Variants in CNTNAP2 observed in about 807,000 individuals in gnomAD.
The protein encoded by CNTNAP2 is contactin associated protein 2.
CNTNAP2 carries 98 observed loss-of-function variants against 155.2 expected under a neutral mutation model. The ratio of observed to expected loss-of-function variants is 0.63; its 90% CI spans 0.54 to 0.75. The LOEUF (loss-of-function observed/expected upper bound fraction) is 0.75. CNTNAP2 is among the 30% of genes least tolerant of loss of function. The pLI is 0.00. For missense variants in CNTNAP2, 1,727 were observed against 1,688.1 expected, an observed-to-expected ratio of 1.02 and a Z score of -0.40; for synonymous variants, 651 against 631.2, an observed-to-expected ratio of 1.03 and a Z score of -0.47.
chr7:146,296,334 C>T (rs1328848137), intron 1 of CNTNAP2, among the ~76,000 whole-genome samples: 2 of 152,220 alleles, frequency 1.3e-5, no homozygotes, highest in South Asian at 2.1e-4. Flanking sequence ...CCTGTGAAAA[C>T]CCTAGTCCCA....
intron 2 of CNTNAP2, among the ~76,000 whole-genome samples, chr7:146,790,052 T>C (rs1386796189): frequency 3.3e-5 from 5 of 152,042 alleles, no homozygotes; most frequent in African/African-American, 1.2e-4. Flanking sequence ...TTTCATTTTG[T>C]TGTTGTTTAG....
At chr7:148,277,862 C>T (rs752771388) in intron 21 of CNTNAP2, among the ~76,000 whole-genome samples, 3 of 151,092 alleles carry the variant, frequency 2.0e-5, no homozygotes, top group African/African-American at 7.3e-5. Flanking sequence ...CAAATAGCTC[C>T]AAAACTCAAT....
intron 3 of CNTNAP2, among the ~76,000 whole-genome samples, chr7:147,022,710 G>T (rs1359663186): frequency 1.3e-5 from 2 of 149,306 alleles, no homozygotes; most frequent in African/African-American, 4.9e-5. Flanking sequence ...CTTGTTTATT[G>T]TTCTATCTAT....
chr7:148,125,599 A>T (rs1804701328), intron 16 of CNTNAP2, among the ~76,000 whole-genome samples: 1 of 150,326 alleles, frequency 6.7e-6, no homozygotes, highest in African/African-American at 2.5e-5. Flanking sequence ...GTATTCCATG[A>T]TGTATATGTA....
intron 13 of CNTNAP2, among the ~76,000 whole-genome samples, chr7:147,726,557 A>G (rs577025664): frequency 5.2e-4 from 79 of 152,148 alleles, no homozygotes; most frequent in African/African-American, 1.8e-3. Flanking sequence ...GAGCTGACCA[A>G]TAACTGCAGA....
At chr7:148,245,992 C>CA (rs1157025422) in intron 20 of CNTNAP2, among the ~76,000 whole-genome samples, 1 of 152,222 alleles carries the variant, frequency 6.6e-6, no homozygotes, top group African/African-American at 2.4e-5. Context: ...TCAGTGTTTC[C>CA]AGGGAACAGA....
intron 1 of CNTNAP2, among the ~76,000 whole-genome samples, chr7:146,423,831 T>A (rs544317002): frequency 2.6e-5 from 4 of 152,252 alleles, no homozygotes; most frequent in South Asian, 2.1e-4. Context: ...TCAGGAAAAA[T>A]TATACAATAT....
At chr7:146,417,007 T>C (rs1795946985) in intron 1 of CNTNAP2, among the ~76,000 whole-genome samples, 1 of 152,158 alleles carries the variant, frequency 6.6e-6, no homozygotes, top group Admixed American at 6.6e-5. Context: ...TGAGGACAAC[T>C]TGGATTGTAT....
intron 3 of CNTNAP2, among the ~76,000 whole-genome samples, chr7:146,996,018 T>G (rs201847798): frequency 1.4e-4 from 21 of 152,278 alleles, no homozygotes; most frequent in South Asian, 2.1e-4. Flanking sequence ...TTTTGTTTTT[T>G]TTTAGCAGCT....
At chr7:148,257,455 T>C (rs1346932577) in intron 20 of CNTNAP2, among the ~76,000 whole-genome samples, 1 of 152,148 alleles carries the variant, frequency 6.6e-6, no homozygotes, top group East Asian at 1.9e-4. Context: ...GTCGGCAGGA[T>C]TTATGAGTAG....
At chr7:146,722,965 A>C (rs1801364862) in intron 1 of CNTNAP2, among the ~76,000 whole-genome samples, 1 of 152,122 alleles carries the variant, frequency 6.6e-6, no homozygotes, top group Non-Finnish European at 1.5e-5. Context: ...CAGTGAGCCA[A>C]GATTGTGCCA....
At chr7:146,883,555 C>T (rs1233482182) in intron 3 of CNTNAP2, among the ~76,000 whole-genome samples, 5 of 152,084 alleles carry the variant, frequency 3.3e-5, no homozygotes, top group South Asian at 4.1e-4. Context: ...TTTAGGACAA[C>T]GAAGAGAAGA....
rs374979129 is a variant in CNTNAP2, at chr7:146,805,415, T to G, written c.208+31034T>G. 1.4e-4 allele frequency among the ~76,000 whole-genome samples: 22 copies of G among 152,334 alleles called. No individual in the cohort carries two copies. In the East Asian group the frequency reaches 2.5e-3, roughly 17 times the overall value. ...TGGTGGGTTACAAATGTGTAAAGCC[T>G]CAGGATTTGCTCTCTGTTTTCACCT... is the stretch of plus-strand genomic sequence containing the variant. On this transcript the variant is annotated intron_variant, in intron 2 of 23. Coordinates refer to ENST00000361727, the MANE Select transcript of CNTNAP2 (RefSeq NM_014141.6).
At chr7:147,128,904 T>G in intron 7 of CNTNAP2, 68 bp downstream of exon 7, 1 of 1,583,156 alleles carries the variant, frequency 6.3e-7, no homozygotes, top group Non-Finnish European at 8.7e-7. Flanking sequence ...TTTTGGATTA[T>G]TGAACAACAA....
At chr7:147,087,835 G>C (rs1447425623) in intron 4 of CNTNAP2, among the ~76,000 whole-genome samples, 1 of 152,066 alleles carries the variant, frequency 6.6e-6, no homozygotes, top group African/African-American at 2.4e-5. Context: ...AAATTAGCTG[G>C]GCATGGTGGC....
intron 1 of CNTNAP2, among the ~76,000 whole-genome samples, chr7:146,193,620 A>AT (rs1435149541): frequency 6.6e-6 from 1 of 152,114 alleles, no homozygotes; most frequent in Non-Finnish European, 1.5e-5. Context: ...CCACAAAACC[A>AT]TTTTTACTTC....
chr7:146,663,279 A>AC (rs1800125216), intron 1 of CNTNAP2, among the ~76,000 whole-genome samples: 1 of 99,602 alleles, frequency 1.0e-5, no homozygotes, highest in Admixed American at 8.9e-5. Flanking sequence ...CTCCATCTCA[A>AC]AAAAAAAAAA....
chr7:146,816,973 G>A (rs1446868540), intron 2 of CNTNAP2, among the ~76,000 whole-genome samples: 1 of 152,084 alleles, frequency 6.6e-6, no homozygotes, highest in East Asian at 1.9e-4. Flanking sequence ...ATTTAATTCA[G>A]GTCTGGAGAA....
At chr7:147,158,818 G>A (rs890972597) in intron 8 of CNTNAP2, among the ~76,000 whole-genome samples, 8 of 152,060 alleles carry the variant, frequency 5.3e-5, no homozygotes, top group Non-Finnish European at 2.9e-5. Context: ...ACACTTAGAA[G>A]ATAAGGAGAG....
Sources: gnomAD v4.1 joint callset for allele counts (sites outside exome capture counted in the v4.1 genomes callset) on GRCh38, gnomAD v4.1.1 for gene constraint, MANE v1.5 for transcripts, NCBI Gene and HGNC (gene_info 2026-07-23, HGNC 2026-07-21) for gene names.